Variants in RCCD1 observed in about 807,000 individuals in gnomAD.
The protein encoded by RCCD1 is RCC1 domain-containing protein 1.
Under a neutral mutation model 37.6 loss-of-function variants are expected in RCCD1, and 40 were observed. The observed-to-expected ratio is 1.06, with a 90% CI of 0.83 to 1.39. The LOEUF (loss-of-function observed/expected upper bound fraction) is 1.39, where lower values mean the gene tolerates loss of function less well. Ranked by LOEUF, RCCD1 falls within the 40% of genes most tolerant of loss-of-function variation. RCCD1 has a pLI of 0.00. For synonymous variants in RCCD1, 263 were observed against 230.0 expected, an observed-to-expected ratio of 1.14 and a Z score of -1.30; for missense variants, 577 against 517.3, an observed-to-expected ratio of 1.12 and a Z score of -1.12.
rs373224830 is a variant in RCCD1, at chr15:90,957,587, C to T, written c.558-17C>T. The T allele has an allele frequency of 4.8e-5, 78 of 1,613,778 alleles. No homozygotes were observed. Among genetic ancestry groups the T allele is most frequent in the Middle Eastern group, 1.6e-4 (1 of 6,084 alleles). On this transcript the variant is annotated splice_polypyrimidine_tract_variant and intron_variant, in intron 3 of 7. Transcript: ENST00000394258. ...CCCTTAATGCGACTGTAGCTGACGA[C>T]GGTCTCCCTTGCTCAGGCATGGACA... is the stretch of plus-strand genomic sequence containing the variant.
At position 90,957,656 on chromosome 15, in the gene RCCD1, T is replaced by G. The variant is rs745640782; in HGVS notation, c.610T>G (p.Leu204Val). ...GGAGGCAGAGCTGGAGCCACGGCTGTTGGAGGCGTTGCAGGGCCTAGTCAT... is the reference window on the plus strand; with the variant it reads ...GGAGGCAGAGCTGGAGCCACGGCTGGTGGAGGCGTTGCAGGGCCTAGTCAT... ...TLEAELEPRLLEALQGLVMAE... is the reference protein window; with the variant it reads ...TLEAELEPRLVEALQGLVMAE... The change falls in exon 4 of 8, where the codon TTG (leucine) becomes GTG (valine). Residue 204 changes from leucine (L) to valine (V), a missense_variant. Transcript: ENST00000394258. The G allele has an allele frequency of 2.4e-5, 39 of 1,613,966 alleles. No individual in the cohort carries two copies. The highest frequency in any genetic ancestry group is 3.1e-5 in the Non-Finnish European group (37 of 1,179,986).
At chr15:90,960,636 C>T in intron 6 of RCCD1, 138 bp downstream of exon 6, 6 of 799,094 alleles carry the variant, frequency 7.5e-6, no homozygotes, top group Non-Finnish European at 1.2e-5. Flanking sequence ...TAAGCCCCAA[C>T]CCCCTTGTTG....
rs779844641 is a variant in RCCD1 at position 90,957,718 on chromosome 15, T to C, written c.672T>C (p.Cys224=). 1.2e-6 allele frequency: 2 copies of C among 1,607,358 alleles called. No homozygotes were observed. Among genetic ancestry groups the C allele is most frequent in the African/African-American group, 1.3e-5 (1 of 74,694 alleles). Residue 224 remains cysteine, a synonymous_variant, in exon 4 of 8, where the codon TGT becomes TGC. Coordinates refer to ENST00000394258, the MANE Select transcript of RCCD1 (RefSeq NM_001017919.2). ...EVAAGGWHSV[C]VSETGDIYIW... ...CCGCGGGGGGCTGGCATTCTGTGTG[T>C]GTGAGTGGTGAGTGACTTAGTGCTT...
chr15:90,961,342 G>A (rs1243809577), intron 7 of RCCD1: 6 of 580,962 alleles, frequency 1.0e-5, no homozygotes, highest in Non-Finnish European at 1.8e-5. Context: ...TTTTGTGGAT[G>A]TGACACTGGG....
chr15:90,955,949 T>C (rs2037180811), intron 1 of RCCD1: 1 of 152,196 alleles, frequency 6.6e-6, no homozygotes, highest in Non-Finnish European at 1.5e-5. Context: ...ATAATTTTTT[T>C]GTCAACACTA....
At chr15:90,958,803 G>T (rs948005957) in intron 4 of RCCD1, among the ~76,000 whole-genome samples, 2 of 151,366 alleles carry the variant, frequency 1.3e-5, no homozygotes, top group Admixed American at 1.3e-4. Context: ...GTGGCGGCTC[G>T]TGCCTGTGGT....
intron 4 of RCCD1, 101 bp from the exon 5 acceptor site, chr15:90,959,799 A>T (rs1308291359): frequency 6.7e-6 from 6 of 891,300 alleles, no homozygotes; most frequent in Non-Finnish European, 1.0e-5. Context: ...TGGGCAGGGC[A>T]GGCTTTAGTT....
intron 1 of RCCD1, chr15:90,955,818 C>T (rs1293920440): frequency 1.3e-5 from 2 of 152,116 alleles, no homozygotes; most frequent in Non-Finnish European, 2.9e-5. Flanking sequence ...GAGCAGACAG[C>T]TGTCCTCACT....
In RCCD1 at chr15:90,960,460, A is replaced by G. The variant is rs1245091465; in HGVS notation, c.911A>G (p.Lys304Arg). The change falls in exon 6 of 8, where the codon AAG (lysine) becomes AGG (arginine). Residue 304 changes from lysine to arginine, a missense_variant. By Grantham distance (26) the Lys-to-Arg change is conservative. Transcript: ENST00000394258. ...CTCCCCATGGGCTCAGATGCAGTCA[A>G]GGCCAGCTGTGGATCCCGGCACACA... ...LDLPMGSDAVKASCGSRHTAV... is the reference protein window; with the variant it reads ...LDLPMGSDAVRASCGSRHTAV... The G allele has an allele frequency of 6.2e-7, 1 of 1,612,616 alleles. No homozygotes were observed. The highest frequency in any genetic ancestry group is 8.5e-7 in the Non-Finnish European group (1 of 1,179,984).
rs1470213689 is a variant in RCCD1 at position 90,957,338 on chromosome 15, C to T, written c.392C>T (p.Ala131Val). ...GEDDPAGEAQ[A>V]GRLPLLPCAR... ...GACGATCCGGCCGGTGAGGCCCAGG[C>T]TGGGAGGCTACCCCTGCTGCCCTGC... Residue 131 changes from alanine (A) to valine (V), a missense_variant, in exon 3 of 8, where the codon GCT becomes GTT. By Grantham distance (64) the Ala-to-Val change is moderately conservative (BLOSUM62 0). Coordinates refer to ENST00000394258, the MANE Select transcript of RCCD1 (RefSeq NM_001017919.2). 1 of 1,546,604 alleles carries T rather than the reference C, an allele frequency of 6.5e-7. No homozygotes were observed. The highest frequency in any genetic ancestry group is 2.5e-5 in the East Asian group (1 of 40,802).
In RCCD1 at chr15:90,962,639, C is replaced by T. The variant is rs1218791358; in HGVS notation, c.*870C>T. 3 of 152,214 alleles carry T rather than the reference C, an allele frequency of 2.0e-5. No individual in the cohort carries two copies. The highest frequency in any genetic ancestry group is 2.0e-4 in the Admixed American group (3 of 15,284). 9.4% of individuals were successfully genotyped at this position (152,214 alleles called of 1,614,324 possible). A position where few individuals can be genotyped will look rare whatever the true frequency, so the allele number is the denominator to read the frequency against. On this transcript the variant is annotated 3_prime_UTR_variant, in exon 8 of 8. Transcript: ENST00000394258. ...GGGCATGGTGGCTCACACCTGTAGT[C>T]CCAGCACTTTGGGAGGCTAAGCAGG...
At chr15:90,960,291 C>A in intron 5 of RCCD1, 37 bp from the exon 6 acceptor site, 1 of 1,556,950 alleles carries the variant, frequency 6.4e-7, no homozygotes, top group Non-Finnish European at 8.7e-7. Context: ...TAGCTCAGGG[C>A]TCAGTTGGTG....
chr15:90,958,630 A>G (rs1325840074), intron 4 of RCCD1, among the ~76,000 whole-genome samples: 7 of 75,206 alleles, frequency 9.3e-5, no homozygotes, highest in African/African-American at 4.2e-4. Context: ...TCAGTCTCAA[A>G]AAAAAAAAAA....
chr15:90,956,225 G>A (rs1446795379), intron 1 of RCCD1, among the ~76,000 whole-genome samples: 1 of 152,000 alleles, frequency 6.6e-6, no homozygotes, highest in East Asian at 1.9e-4. Flanking sequence ...TGGAGTTGGT[G>A]GGACCTGATT....
At position 90,962,115 on chromosome 15, in the gene RCCD1, T is replaced by A. The variant is rs2037328009; in HGVS notation, c.*346T>A. The A allele has an allele frequency of 5.7e-6, 1 of 174,138 alleles. No homozygotes were observed. The highest frequency in any genetic ancestry group is 2.4e-5 in the African/African-American group (1 of 42,284). The allele number at this position is 174,138 out of a possible 1,614,324, so 10.8% of individuals were successfully genotyped here. ...TTGGGGCACATTCCAGGTCATCGTC[T>A]TCTGTCAGTCATTTCCCTGCTTTCG... On this transcript the variant is annotated 3_prime_UTR_variant, in exon 8 of 8. Transcript: ENST00000394258.
rs1422590007 is a variant in RCCD1, at chr15:90,960,119, G to C, written c.778+121G>C. On this transcript the variant is annotated intron_variant, in intron 5 of 7. Transcript: ENST00000394258. ...GATGGAGCATGTGAGCCCCTTATGG[G>C]AGGGAGCATTGGCAAGGCTGATGCC... 3.1e-6 allele frequency: 3 copies of C among 964,488 alleles called. No homozygotes were observed. In the African/African-American group the frequency reaches 4.9e-5, roughly 16 times the overall value. The allele number at this position is 964,488 out of a possible 1,614,324, so 59.7% of individuals were successfully genotyped here.
rs371273327 is a variant in RCCD1 at position 90,960,545 on chromosome 15, C to T, written c.949+47C>T. On this transcript the variant is annotated intron_variant, in intron 6 of 7. Coordinates refer to ENST00000394258, the MANE Select transcript of RCCD1 (RefSeq NM_001017919.2). Reference sequence around the variant, plus strand: ...TCTGCTCCACTCGAGCTGGTGCCTACGGAAGGGGGTGTGGTCGACGGAAAA... The same window carrying T: ...TCTGCTCCACTCGAGCTGGTGCCTATGGAAGGGGGTGTGGTCGACGGAAAA... 6.9e-5 allele frequency: 107 copies of T among 1,560,128 alleles called. 1 individual carries two copies. The highest frequency in any genetic ancestry group is 6.3e-4 in the South Asian group (55 of 86,888).
chr15:90,961,811 A>AT lies in RCCD1; in HGVS notation c.*44dup. The AT allele has an allele frequency of 1.9e-6, 3 of 1,585,684 alleles. No individual in the cohort carries two copies. The highest frequency in any genetic ancestry group is 2.6e-6 in the Non-Finnish European group (3 of 1,162,882). ...TATATGCAACACCTGTGAGACCCCCATTCAGGTCAAGGAAAACCATTGCCT... is the reference window on the plus strand; with the variant it reads ...TATATGCAACACCTGTGAGACCCCCATTTCAGGTCAAGGAAAACCATTGCCT... On this transcript the variant is annotated 3_prime_UTR_variant, in exon 8 of 8. Coordinates refer to ENST00000394258, the MANE Select transcript of RCCD1 (RefSeq NM_001017919.2).
rs544221589 is a variant in RCCD1 at position 90,960,287 on chromosome 15, A to G, written c.779-41A>G. On this transcript the variant is annotated intron_variant, in intron 5 of 7. Transcript: ENST00000394258. ...TGACTGCATGAATAAGATTTAGCTCAGGGCTCAGTTGGTGTTCACATCATT... is the reference window on the plus strand; with the variant it reads ...TGACTGCATGAATAAGATTTAGCTCGGGGCTCAGTTGGTGTTCACATCATT... 5 of 1,549,614 alleles carry G rather than the reference A, an allele frequency of 3.2e-6. No individual in the cohort carries two copies. In the Admixed American group the frequency reaches 7.4e-5, roughly 23 times the overall value.
Sources: allele counts gnomAD v4.1 joint callset (sites outside exome capture counted in the v4.1 genomes callset), GRCh38; gene constraint gnomAD v4.1.1; transcripts MANE v1.5; gene names NCBI Gene and HGNC (gene_info 2026-07-23, HGNC 2026-07-21).